CARNMT1: variants seen among roughly 807,000 people sequenced by gnomAD.
The protein encoded by CARNMT1 is protein-L-histidine N-pros-methyltransferase CARNMT1.
CARNMT1 carries 28 observed loss-of-function variants against 49.6 expected under a neutral mutation model. The ratio of observed to expected loss-of-function variants is 0.56; its 90% CI spans 0.42 to 0.77. The LOEUF (loss-of-function observed/expected upper bound fraction) is 0.77. Among genes scored for constraint, CARNMT1 ranks in the 30% least tolerant of loss-of-function variants. The pLI is 0.00. For synonymous variants in CARNMT1, 178 were observed against 175.0 expected (o/e 1.02, Z -0.13); for missense variants, 421 against 512.6 (o/e 0.82, Z 1.73).
rs146405290 is a variant in CARNMT1 at position 74,985,893 on chromosome 9, T to A, written c.1025-883A>T. Among the ~76,000 whole-genome samples, 35 of 152,310 alleles carry A rather than the reference T, an allele frequency of 2.3e-4. No individual in the cohort carries two copies. The South Asian group carries it at 3.5e-3, about 15-fold the overall frequency. Reference sequence around the variant, plus strand: ...CCGTGTGTGCCCTGTAGTATGACTTTAATGTGAGATAATATGTATTACACC... The same window carrying A: ...CCGTGTGTGCCCTGTAGTATGACTTAAATGTGAGATAATATGTATTACACC... On this transcript the variant is annotated intron_variant, in intron 6 of 7. Coordinates refer to ENST00000376834, the MANE Select transcript of CARNMT1 (RefSeq NM_152420.3).
intron 2 of CARNMT1, chr9:75,016,987 C>T (rs1833874561): frequency 2.3e-6 from 1 of 434,542 alleles, no homozygotes; most frequent in Non-Finnish European, 4.0e-6. Context: ...ATTTAAGTCA[C>T]TAACCCTGTA....
chr9:75,028,177 C>T lies in CARNMT1; in HGVS notation c.65G>A (p.Gly22Asp). ...SRLPEGCGGGGGGSEEVEVQF... is the reference protein window; with the variant it reads ...SRLPEGCGGGDGGSEEVEVQF... Reference sequence around the variant, plus strand: ...CACTTCCACCTCCTCGCTGCCACCGCCTCCTCCCCCGCAGCCCTCGGGCAG... The same window carrying T: ...CACTTCCACCTCCTCGCTGCCACCGTCTCCTCCCCCGCAGCCCTCGGGCAG... Residue 22 changes from glycine (G) to aspartate (D), a missense_variant, in exon 1 of 8, where the codon GGC (glycine) becomes GAC (aspartate). Transcript: ENST00000376834. 2 of 1,518,212 alleles carry T rather than the reference C, an allele frequency of 1.3e-6. No individual in the cohort carries two copies. Among genetic ancestry groups the T allele is most frequent in the Admixed American group, 2.1e-5 (1 of 47,746 alleles). 94.0% of individuals were successfully genotyped at this position (1,518,212 alleles called of 1,614,324 possible).
chr9:75,027,293 T>C, intron 1 of CARNMT1: 2 of 613,080 alleles, frequency 3.3e-6, no homozygotes, highest in Admixed American at 6.3e-5. Flanking sequence ...CCTACCACAG[T>C]GCCTAGCACA....
At chr9:74,990,827 A>C (rs1446560586) in intron 6 of CARNMT1, among the ~76,000 whole-genome samples, 2 of 152,180 alleles carry the variant, frequency 1.3e-5, no homozygotes, top group African/African-American at 4.8e-5. Context: ...CCACTTGCCA[A>C]ATCTGTGACA....
At position 74,981,717 on chromosome 9, in the gene CARNMT1, T is replaced by C. The variant is rs1186829033; in HGVS notation, c.*2050A>G. On this transcript the variant is annotated 3_prime_UTR_variant, in exon 8 of 8. Coordinates refer to ENST00000376834, the MANE Select transcript of CARNMT1 (RefSeq NM_152420.3). ...AATTAATAAAGCCAACCCACCAGTGTCAACCTGTTTTTGCCTGTGACAAAA... is the reference window on the plus strand; with the variant it reads ...AATTAATAAAGCCAACCCACCAGTGCCAACCTGTTTTTGCCTGTGACAAAA... 6.6e-6 allele frequency: 1 copy of C among 152,090 alleles called. No individual in the cohort carries two copies. Among genetic ancestry groups the C allele is most frequent in the Non-Finnish European group, 1.5e-5 (1 of 67,982 alleles). The allele number at this position is 152,090 out of a possible 1,614,324, so 9.4% of individuals were successfully genotyped here. A position where few individuals can be genotyped will look rare whatever the true frequency, so the allele number is the denominator to read the frequency against.
intron 6 of CARNMT1, among the ~76,000 whole-genome samples, chr9:74,988,161 C>G (rs1832902984): frequency 6.6e-6 from 1 of 152,110 alleles, no homozygotes; most frequent in South Asian, 2.1e-4. Context: ...AAGCAATCCT[C>G]TTGCCTCAGT....
At position 75,028,061 on chromosome 9, in the gene CARNMT1, G is replaced by C; in HGVS notation, c.181C>G (p.Leu61Val). 1.3e-6 allele frequency: 2 copies of C among 1,580,506 alleles called. No homozygotes were observed. The highest frequency in any genetic ancestry group is 1.7e-6 in the Non-Finnish European group (2 of 1,165,752). The change falls in exon 1 of 8, where the codon CTT becomes GTT. Residue 61 changes from leucine to valine, a missense_variant. Physicochemically the swap from Leu to Val is conservative, Grantham distance 32 (BLOSUM62 1). Coordinates refer to ENST00000376834, the MANE Select transcript of CARNMT1 (RefSeq NM_152420.3). ...ATCTTCCAGAAGTGCTCACGCTCAA[G>C]CCTCTCCTCCTCCTCCTCGGTGCTG... ...TRSTEEEEER[L>V]EREHFWKIIN...
At chr9:75,008,339 T>A (rs1474821799) in intron 3 of CARNMT1, among the ~76,000 whole-genome samples, 1 of 152,154 alleles carries the variant, frequency 6.6e-6, no homozygotes, top group Non-Finnish European at 1.5e-5. Context: ...CTTTATAAAT[T>A]TTTTTTTCTT....
At chr9:75,015,245 G>A (rs1833811413) in intron 3 of CARNMT1, among the ~76,000 whole-genome samples, 1 of 152,106 alleles carries the variant, frequency 6.6e-6, no homozygotes, top group South Asian at 2.1e-4. Context: ...CAATACCTAT[G>A]ACTTTATCAC....
rs181172773 is a variant in CARNMT1 at position 74,983,137 on chromosome 9, A to T, written c.*630T>A. ...ATGCCTACAGTCCTAGCTACTCAGGAGGCTAAGGCTAAGGCAGGAAGATCG... is the reference window on the plus strand; with the variant it reads ...ATGCCTACAGTCCTAGCTACTCAGGTGGCTAAGGCTAAGGCAGGAAGATCG... On this transcript the variant is annotated 3_prime_UTR_variant, in exon 8 of 8. Coordinates refer to ENST00000376834, the MANE Select transcript of CARNMT1 (RefSeq NM_152420.3). 13 of 152,024 alleles carry T rather than the reference A, an allele frequency of 8.6e-5. No homozygotes were observed. The highest frequency in any genetic ancestry group is 3.1e-4 in the African/African-American group (13 of 41,486). 9.4% of individuals were successfully genotyped at this position (152,024 alleles called of 1,614,324 possible).
chr9:75,024,777 T>G (rs924170061), intron 1 of CARNMT1, among the ~76,000 whole-genome samples: 3 of 152,192 alleles, frequency 2.0e-5, no homozygotes, highest in African/African-American at 7.2e-5. Context: ...GACGTACAGC[T>G]GACCCTTGAA....
intron 3 of CARNMT1, among the ~76,000 whole-genome samples, chr9:75,000,914 CAT>C (rs2118798670): frequency 6.6e-6 from 1 of 152,232 alleles, no homozygotes; most frequent in African/African-American, 2.4e-5. Context: ...TTTGAAAACT[CAT>C]AGCTCTAGGA....
At chr9:75,002,130 G>GGGATA (rs1169231092) in intron 3 of CARNMT1, among the ~76,000 whole-genome samples, 1 of 152,144 alleles carries the variant, frequency 6.6e-6, no homozygotes, top group Non-Finnish European at 1.5e-5. Context: ...GAACGGAGAA[G>GGGATA]GGATACATCT....
At chr9:74,992,502 C>T (rs926226892) in intron 6 of CARNMT1, among the ~76,000 whole-genome samples, 3 of 152,170 alleles carry the variant, frequency 2.0e-5, no homozygotes, top group Non-Finnish European at 2.9e-5. Flanking sequence ...TACACACACA[C>T]TTTCTTTTTA....
chr9:75,019,960 A>G (rs920763687), intron 1 of CARNMT1, among the ~76,000 whole-genome samples: 9 of 152,216 alleles, frequency 5.9e-5, no homozygotes, highest in African/African-American at 2.2e-4. Context: ...ACATTTGTTG[A>G]AAACAATTGC....
At chr9:74,996,605 C>A in intron 5 of CARNMT1, 45 bp from the exon 6 acceptor site, 2 of 1,113,990 alleles carry the variant, frequency 1.8e-6, no homozygotes, top group Non-Finnish European at 1.3e-6. Context: ...TGTTATTTTG[C>A]TTTTTTCTTT....
chr9:75,028,213 G>A lies in CARNMT1; in HGVS notation c.29C>T (p.Pro10Leu). 2 of 1,420,028 alleles carry A rather than the reference G, an allele frequency of 1.4e-6. No homozygotes were observed. Among genetic ancestry groups the A allele is most frequent in the Non-Finnish European group, 1.8e-6 (2 of 1,089,964 alleles). The allele number at this position is 1,420,028 out of a possible 1,614,324, so 88.0% of individuals were successfully genotyped here. The change falls in exon 1 of 8, where the codon CCC becomes CTC. Residue 10 changes from proline to leucine, a missense_variant. Physicochemically the swap from Pro to Leu is moderately conservative, Grantham distance 98 (BLOSUM62 -3). Around this residue, in one of 2 missense-constraint regions of CARNMT1, gnomAD observed 186 missense variants for 167.9 expected, o/e 1.11. Coordinates refer to ENST00000376834, the MANE Select transcript of CARNMT1 (RefSeq NM_152420.3). ...GCAGCCCTCGGGCAGCCGGGAGGTG[G>A]GCGGCGGAGGGCGACGCCGTCGCTG... MQRRRRPPPPTSRLPEGCGG... is the reference protein window; with the variant it reads MQRRRRPPPLTSRLPEGCGG...
chr9:75,028,077 C>G lies in CARNMT1; in HGVS notation c.165G>C (p.Glu55Asp), dbSNP rs1293347813. Residue 55 changes from glutamate (E) to aspartate (D), a missense_variant, in exon 1 of 8, where the codon GAG (glutamate) becomes GAC (aspartate). Physicochemically the swap from Glu to Asp is conservative, Grantham distance 45. Transcript: ENST00000376834. ...CACGCTCAAGCCTCTCCTCCTCCTC[C>G]TCGGTGCTGCGCGTGGCCGCCGCCG... ...AAAAAATRST[E>D]EEEERLEREH... The G allele has an allele frequency of 1.9e-6, 3 of 1,570,656 alleles. No homozygotes were observed. The highest frequency in any genetic ancestry group is 2.6e-6 in the Non-Finnish European group (3 of 1,160,724).
At chr9:75,005,367 T>C (rs768561528) in intron 3 of CARNMT1, among the ~76,000 whole-genome samples, 5 of 152,182 alleles carry the variant, frequency 3.3e-5, no homozygotes, top group South Asian at 4.1e-4. Context: ...TATTAAAAAC[T>C]TGAAACATAG....
Sources: gnomAD v4.1 joint callset for allele counts (sites outside exome capture counted in the v4.1 genomes callset) on GRCh38, gnomAD v4.1.1 for gene constraint, gnomAD v4.1.1 regional missense constraint, MANE v1.5 for transcripts, NCBI Gene and HGNC (gene_info 2026-07-23, HGNC 2026-07-21) for gene names.